The following PMFBP1 variants were observed in gnomAD, a reference collection of about 807,000 sequenced individuals.
The protein encoded by PMFBP1 is polyamine-modulated factor 1-binding protein 1.
PMFBP1 carries 131 observed loss-of-function variants against 137.8 expected under a neutral mutation model. That is an observed-to-expected ratio of 0.95 (90% CI 0.82 to 1.10). The LOEUF (loss-of-function observed/expected upper bound fraction) is 1.10. PMFBP1 is among the 50% of genes least tolerant of loss of function. PMFBP1 has a pLI of 0.00. For missense variants in PMFBP1, 1,199 were observed against 1,175.4 expected (o/e 1.02, Z -0.29); for synonymous variants, 490 against 450.4 (o/e 1.09, Z -1.11).
At chr16:72,191,976 A>C in the PMFBP1 span, among the ~76,000 whole-genome samples, 1 of 152,244 alleles carries the variant, frequency 6.6e-6, no homozygotes, top group Admixed American at 6.5e-5. Context: ...GCATATACAT[A>C]AGCTATGAAG....
chr16:72,122,886 G>A (rs1370403561), intron 19 of PMFBP1, 28 bp downstream of exon 19: 1 of 1,600,978 alleles, frequency 6.2e-7, no homozygotes, highest in South Asian at 1.1e-5. Flanking sequence ...CTCCCAGGAA[G>A]CAGCCAGGGT....
chr16:72,126,071 T>A lies in PMFBP1; in HGVS notation c.2150A>T (p.Lys717Met). 1 of 1,614,230 alleles carries A rather than the reference T, an allele frequency of 6.2e-7. No homozygotes were observed. Among genetic ancestry groups the A allele is most frequent in the Middle Eastern group, 1.6e-4 (1 of 6,062 alleles). ...GGTAGTCTGGAGATAGTGCTTCTCCTTCTGCAGAGCTTTGTCCAGCTGGGC... is the reference window on the plus strand; with the variant it reads ...GGTAGTCTGGAGATAGTGCTTCTCCATCTGCAGAGCTTTGTCCAGCTGGGC... ...LQAQLDKALQ[K>M]EKHYLQTTIT... Residue 717 changes from lysine (K) to methionine (M), a missense_variant, in exon 15 of 21, where the codon AAG (lysine) becomes ATG (methionine). By Grantham distance (95) the Lys-to-Met change is moderately conservative. Coordinates refer to ENST00000237353, the MANE Select transcript of PMFBP1 (RefSeq NM_031293.3).
chr16:72,130,162 T>C (rs766475594), intron 12 of PMFBP1, 51 bp downstream of exon 12: 3 of 1,600,918 alleles, frequency 1.9e-6, no homozygotes, highest in South Asian at 1.1e-5. Flanking sequence ...GTCTGTGTTT[T>C]ATCTTAAGCA....
chr16:72,224,421 T>G, the PMFBP1 span: 1 of 152,252 alleles, frequency 6.6e-6, no homozygotes, highest in Non-Finnish European at 1.5e-5. Flanking sequence ...AGAATAAAGT[T>G]CAAGCTTCTC....
chr16:72,187,949 T>A, the PMFBP1 span, among the ~76,000 whole-genome samples: 1 of 152,240 alleles, frequency 6.6e-6, no homozygotes, highest in Admixed American at 6.5e-5. Flanking sequence ...GTGCTGAACA[T>A]GCTGTCATTA....
chr16:72,201,360 A>T, the PMFBP1 span, among the ~76,000 whole-genome samples: 1 of 152,242 alleles, frequency 6.6e-6, no homozygotes, highest in Non-Finnish European at 1.5e-5. Context: ...CAAAAGTTAC[A>T]GGAACTATGT....
At chr16:72,127,269 A>G (rs536994768) in intron 14 of PMFBP1, among the ~76,000 whole-genome samples, 1 of 152,294 alleles carries the variant, frequency 6.6e-6, no homozygotes, top group Admixed American at 6.5e-5. Context: ...AGTGAGATGA[A>G]AAGTGGTAAA....
chr16:72,168,578 G>C (rs758893196), intron 2 of PMFBP1, among the ~76,000 whole-genome samples: 3 of 152,216 alleles, frequency 2.0e-5, no homozygotes, highest in African/African-American at 7.2e-5. Context: ...TGAACTGAGA[G>C]TCATAATGTT....
At chr16:72,187,303 C>T in the PMFBP1 span, among the ~76,000 whole-genome samples, 1 of 152,112 alleles carries the variant, frequency 6.6e-6, no homozygotes, top group South Asian at 2.1e-4. Flanking sequence ...GATTTGGTTA[C>T]AGTGGGCTCC....
At chr16:72,228,478 T>G in the PMFBP1 span, among the ~76,000 whole-genome samples, 1 of 152,202 alleles carries the variant, frequency 6.6e-6, no homozygotes, top group African/African-American at 2.4e-5. Flanking sequence ...TGCTCCAGCC[T>G]GCTGAGACAC....
chr16:72,227,598 G>T, the PMFBP1 span, among the ~76,000 whole-genome samples: 1 of 152,084 alleles, frequency 6.6e-6, no homozygotes, highest in Non-Finnish European at 1.5e-5. Context: ...TTGAAAATAT[G>T]ATTTCAAAGG....
chr16:72,125,496 T>C, intron 15 of PMFBP1, 91 bp from the exon 16 acceptor site: 9 of 1,397,360 alleles, frequency 6.4e-6, no homozygotes, highest in Non-Finnish European at 8.7e-6. Context: ...AGTCCCTTCC[T>C]GTCCTCTGCC....
intron 5 of PMFBP1, among the ~76,000 whole-genome samples, chr16:72,148,811 C>T (rs2042854653): frequency 6.6e-6 from 1 of 152,180 alleles, no homozygotes; most frequent in Non-Finnish European, 1.5e-5. Flanking sequence ...TTCCAGATCC[C>T]CTTTGGCAAT....
At chr16:72,135,591 G>A (rs1470947212) in intron 9 of PMFBP1, among the ~76,000 whole-genome samples, 1 of 151,674 alleles carries the variant, frequency 6.6e-6, no homozygotes, top group African/African-American at 2.4e-5. Flanking sequence ...AGCTTGCATT[G>A]GTTTCACCAC....
chr16:72,227,727 T>C, the PMFBP1 span, among the ~76,000 whole-genome samples: 1 of 152,176 alleles, frequency 6.6e-6, no homozygotes, highest in Non-Finnish European at 1.5e-5. Context: ...AGCTAGGTGA[T>C]ACAAAACCAG....
At chr16:72,117,183 T>G (rs1311018977), downstream of PMFBP1, among the ~76,000 whole-genome samples, 2 of 152,196 alleles carry the variant, frequency 1.3e-5, no homozygotes, top group African/African-American at 2.4e-5. Context: ...TTTCTCTCAG[T>G]AATGTTTTAT....
intron 19 of PMFBP1, among the ~76,000 whole-genome samples, chr16:72,122,048 C>T (rs2144227343): frequency 6.6e-6 from 1 of 152,284 alleles, no homozygotes; most frequent in African/African-American, 2.4e-5. Flanking sequence ...TCCCTCCTCC[C>T]ACCCTCCACC....
At position 72,119,734 on chromosome 16, in the gene PMFBP1, G is replaced by A. The variant is rs770836521; in HGVS notation, c.3007+117C>T. The stretch of plus-strand genomic sequence containing the variant: ...AAACAACGATCTTTGGTCCAAAGTC[G>A]CTAAGAAAATGACTTGAGGCCACAA... On this transcript the variant is annotated intron_variant, in intron 20 of 20. Transcript: ENST00000237353. The A allele has an allele frequency of 2.0e-4, 306 of 1,521,270 alleles. 1 individual carries two copies. The highest frequency in any genetic ancestry group is 2.6e-4 in the Non-Finnish European group (292 of 1,139,018). The allele number at this position is 1,521,270 out of a possible 1,614,324, so 94.2% of individuals were successfully genotyped here.
At position 72,162,590 on chromosome 16, in the gene PMFBP1, G is replaced by A. The variant is rs77046436; in HGVS notation, c.165+2174C>T. Among the ~76,000 whole-genome samples, 1,181 of 152,286 alleles carry A rather than the reference G, an allele frequency of 7.8e-3. 13 individuals carry two copies. The highest frequency in any genetic ancestry group is 0.027 in the African/African-American group (1,112 of 41,552). ...AAGGCAGATCTTAAAGGGATTTTCC[G>A]AGCGGATGAGTGTAAGTCTACATCT... On this transcript the variant is annotated intron_variant, in intron 3 of 20. Coordinates refer to ENST00000237353, the MANE Select transcript of PMFBP1 (RefSeq NM_031293.3).
Sources: gnomAD v4.1 joint callset for allele counts (sites outside exome capture counted in the v4.1 genomes callset) on GRCh38, gnomAD v4.1.1 for gene constraint, MANE v1.5 for transcripts, NCBI Gene and HGNC (gene_info 2026-07-23, HGNC 2026-07-21) for gene names.